Variants in C1orf21 observed in about 807,000 individuals in gnomAD.
The protein encoded by C1orf21 is uncharacterized protein C1orf21.
A neutral mutation model predicts 18.7 loss-of-function variants in C1orf21; 3 were observed. The observed-to-expected ratio is 0.16, with a 90% CI of 0.07 to 0.42. C1orf21 has a LOEUF of 0.42. C1orf21 is among the 10% of genes least tolerant of loss of function. The pLI is 0.99. For synonymous variants in C1orf21, 41 were observed against 46.4 expected (o/e 0.88, Z 0.47); for missense variants, 104 against 143.6 (o/e 0.72, Z 1.41).
At chr1:184,469,971 G>C (rs771237047) in intron 1 of C1orf21, among the ~76,000 whole-genome samples, 37 of 152,266 alleles carry the variant, frequency 2.4e-4, no homozygotes, top group Admixed American at 8.5e-4. Flanking sequence ...GGAGTGCCTA[G>C]GATGTTTTTC....
chr1:184,536,613 G>A (rs1418885931), intron 3 of C1orf21, among the ~76,000 whole-genome samples: 1 of 152,140 alleles, frequency 6.6e-6, no homozygotes, highest in Non-Finnish European at 1.5e-5. Context: ...GATATCCGAG[G>A]ACAACTAGTA....
At chr1:184,570,770 T>C (rs922524256) in intron 3 of C1orf21, among the ~76,000 whole-genome samples, 27 of 152,194 alleles carry the variant, frequency 1.8e-4, no homozygotes, top group African/African-American at 6.5e-4. Flanking sequence ...TTCACAGTCA[T>C]GGGTTGCTTA....
intron 3 of C1orf21, among the ~76,000 whole-genome samples, chr1:184,570,712 C>T (rs910852850): frequency 1.3e-5 from 2 of 152,172 alleles, no homozygotes; most frequent in Non-Finnish European, 2.9e-5. Flanking sequence ...AATAATGCAA[C>T]TGAGTGCTAA....
At chr1:184,464,086 G>A (rs148863109) in intron 1 of C1orf21, among the ~76,000 whole-genome samples, 152 of 152,364 alleles carry the variant, frequency 1.0e-3, no homozygotes, top group African/African-American at 3.1e-3. Flanking sequence ...TAAAAAGCTA[G>A]ATGGGATTGG....
At chr1:184,581,758 T>C (rs142389019) in intron 3 of C1orf21, among the ~76,000 whole-genome samples, 48 of 152,340 alleles carry the variant, frequency 3.2e-4, no homozygotes, top group South Asian at 1.0e-3. Context: ...TTCTTAAGAT[T>C]GTAAATGTTT....
At chr1:184,492,319 G>A (rs1293319223) in intron 2 of C1orf21, among the ~76,000 whole-genome samples, 1 of 152,220 alleles carries the variant, frequency 6.6e-6, no homozygotes, top group Admixed American at 6.5e-5. Flanking sequence ...CTGTGTGATT[G>A]CTATGGGAGT....
In C1orf21 at chr1:184,590,680, A is replaced by C. The variant is rs1242092870; in HGVS notation, c.190-59A>C. On this transcript the variant is annotated intron_variant, in intron 3 of 5. Coordinates refer to ENST00000235307, the MANE Select transcript of C1orf21 (RefSeq NM_030806.4). ...ACGTTTGTGTGATGAAAACTCATACACTTGTTTAATTGTGGATTCTAATCC... is the reference window on the plus strand; with the variant it reads ...ACGTTTGTGTGATGAAAACTCATACCCTTGTTTAATTGTGGATTCTAATCC... 4.0e-6 allele frequency: 6 copies of C among 1,506,204 alleles called. No individual in the cohort carries two copies. The East Asian group carries it at 9.0e-5, about 23-fold the overall frequency. The allele number at this position is 1,506,204 out of a possible 1,614,324, so 93.3% of individuals were successfully genotyped here.
intron 1 of C1orf21, among the ~76,000 whole-genome samples, chr1:184,468,771 T>C (rs1384241966): frequency 6.7e-6 from 1 of 150,290 alleles, no homozygotes; most frequent in Non-Finnish European, 1.5e-5. Context: ...ATACAAAAAT[T>C]AGCTGGGTGT....
At chr1:184,414,451 A>C (rs1191611027) in intron 1 of C1orf21, among the ~76,000 whole-genome samples, 2 of 152,166 alleles carry the variant, frequency 1.3e-5, no homozygotes, top group African/African-American at 4.8e-5. Flanking sequence ...GACCCTGGGG[A>C]ACCCATCTTT....
At chr1:184,433,441 C>A (rs1656804307) in intron 1 of C1orf21, among the ~76,000 whole-genome samples, 1 of 152,110 alleles carries the variant, frequency 6.6e-6, no homozygotes, top group Admixed American at 6.6e-5. Context: ...TACTTGCACA[C>A]ATAGATGCTT....
intron 1 of C1orf21, chr1:184,412,465 C>T (rs1366669501): frequency 6.6e-6 from 1 of 152,210 alleles, no homozygotes; most frequent in Non-Finnish European, 1.5e-5. Context: ...ATGGATCAAA[C>T]AGATGAAACC....
intron 2 of C1orf21, among the ~76,000 whole-genome samples, chr1:184,481,624 C>T (rs1296397862): frequency 6.6e-5 from 10 of 152,174 alleles, no homozygotes; most frequent in Non-Finnish European, 4.4e-5. Context: ...TAGTTCATGC[C>T]ATAAAGCGTC....
chr1:184,609,948 A>T lies in C1orf21; in HGVS notation c.328-9570A>T, dbSNP rs183034528. On this transcript the variant is annotated intron_variant, in intron 5 of 5. Transcript: ENST00000235307. ...TTCAATGTTTTCATGTTTGTAAAAT[A>T]AGAACAGTTTTTGCAGAAGAGCTCT... is the stretch of plus-strand genomic sequence containing the variant. 1.6e-4 allele frequency among the ~76,000 whole-genome samples: 25 copies of T among 152,368 alleles called. No individual in the cohort carries two copies. In the East Asian group the frequency reaches 3.9e-3, roughly 24 times the overall value.
chr1:184,415,332 A>G (rs1482671500), intron 1 of C1orf21, among the ~76,000 whole-genome samples: 1 of 152,242 alleles, frequency 6.6e-6, no homozygotes, highest in East Asian at 1.9e-4. Flanking sequence ...CTTACTCGGT[A>G]AGTGTCTAGA....
intron 2 of C1orf21, among the ~76,000 whole-genome samples, chr1:184,492,249 A>G (rs1424830273): frequency 6.6e-6 from 1 of 152,244 alleles, no homozygotes; most frequent in African/African-American, 2.4e-5. Flanking sequence ...CAGAGTAACC[A>G]TGCTACAGGG....
intron 5 of C1orf21, among the ~76,000 whole-genome samples, chr1:184,608,562 T>C (rs923964223): frequency 1.3e-5 from 2 of 152,246 alleles, no homozygotes; most frequent in Non-Finnish European, 2.9e-5. Flanking sequence ...GCTGTTCTTA[T>C]TGGCCAATTA....
At chr1:184,438,312 T>C (rs987905342) in intron 1 of C1orf21, among the ~76,000 whole-genome samples, 1 of 152,222 alleles carries the variant, frequency 6.6e-6, no homozygotes, top group African/African-American at 2.4e-5. Flanking sequence ...TCTCCAGTTA[T>C]ATTCCCTTTT....
intron 1 of C1orf21, among the ~76,000 whole-genome samples, chr1:184,411,156 A>G (rs1656347631): frequency 6.6e-6 from 1 of 152,124 alleles, no homozygotes; most frequent in Non-Finnish European, 1.5e-5. Context: ...GGTCCCATCT[A>G]GTTTTCAGGT....
At chr1:184,565,869 T>C (rs1238568902) in intron 3 of C1orf21, among the ~76,000 whole-genome samples, 2 of 152,242 alleles carry the variant, frequency 1.3e-5, no homozygotes, top group African/African-American at 2.4e-5. Context: ...AGACTATTTA[T>C]AAATCTACAA....
Sources: allele counts gnomAD v4.1 joint callset (sites outside exome capture counted in the v4.1 genomes callset), GRCh38; gene constraint gnomAD v4.1.1; transcripts MANE v1.5; gene names NCBI Gene and HGNC (gene_info 2026-07-23, HGNC 2026-07-21).